Variants in CHD2 observed in about 807,000 individuals in gnomAD.
CHD2 encodes the protein ATP-dependent chromatin remodeler CHD2.
A neutral mutation model predicts 243.9 loss-of-function variants in CHD2; 28 were observed. The observed-to-expected ratio is 0.11, with a 90% CI of 0.09 to 0.16. CHD2 has a LOEUF of 0.16. CHD2 is among the 10% of genes least tolerant of loss of function. The probability of loss-of-function intolerance (pLI) is 1.00; values close to 1 mark genes in which losing one functional copy is unlikely to be tolerated. For missense variants in CHD2, 1,386 were observed against 2,209.8 expected, an observed-to-expected ratio of 0.63 and a Z score of 7.47; for synonymous variants, 775 against 779.0, an observed-to-expected ratio of 0.99 and a Z score of 0.09.
At chr15:92,969,853 C>G (rs2053817903) in intron 17 of CHD2, among the ~76,000 whole-genome samples, 2 of 150,734 alleles carry the variant, frequency 1.3e-5, no homozygotes, top group African/African-American at 4.9e-5. Flanking sequence ...ACTCTGTTAC[C>G]CAGGCTGGAG....
In CHD2 at chr15:92,904,947, C is replaced by T. The variant is rs1191320279; in HGVS notation, c.62+3648C>T. The T allele has an allele frequency of 3.9e-6, 6 of 1,535,826 alleles. No individual in the cohort carries two copies. In the South Asian group the frequency reaches 5.9e-5, roughly 15 times the overall value. Reference sequence around the variant, plus strand: ...AAGGGAAGATTATTTGAACTTGTCCCCATGCGTTTTTACTTGGTACCGTAC... The same window carrying T: ...AAGGGAAGATTATTTGAACTTGTCCTCATGCGTTTTTACTTGGTACCGTAC... On this transcript the variant is annotated intron_variant, in intron 2 of 38. Coordinates refer to ENST00000394196, the MANE Select transcript of CHD2 (RefSeq NM_001271.4).
Position 93,004,705 on chromosome 15 carries a change from T to C in CHD2, c.4367T>C (p.Ile1456Thr), listed in dbSNP as rs1448488921. The C allele has an allele frequency of 6.2e-7, 1 of 1,613,586 alleles. No individual in the cohort carries two copies. Among genetic ancestry groups the C allele is most frequent in the Non-Finnish European group, 8.5e-7 (1 of 1,179,736 alleles). The change falls in exon 34 of 39, where the codon ATT (isoleucine) becomes ACT (threonine). Residue 1456 changes from isoleucine (I) to threonine (T), a missense_variant. Physicochemically the swap from Ile to Thr is moderately conservative, Grantham distance 89. Around this residue, in one of 19 missense-constraint regions of CHD2, gnomAD observed 22 missense variants for 60.2 expected, o/e 0.37. Coordinates refer to ENST00000394196, the MANE Select transcript of CHD2 (RefSeq NM_001271.4). ...HITAGSEPVP[I>T]GEDEDDDLDQ... ...ACAGCAGGAAGTGAACCTGTCCCCA[T>C]TGGAGAGGATGAGGATGATGATCTG...
intron 35 of CHD2, among the ~76,000 whole-genome samples, chr15:93,009,734 C>G (rs1283813356): frequency 6.6e-6 from 1 of 152,188 alleles, no homozygotes; most frequent in Non-Finnish European, 1.5e-5. Flanking sequence ...CATGGTGACA[C>G]AAAGATTAAA....
chr15:92,937,089 C>G (rs1189869928), intron 5 of CHD2, among the ~76,000 whole-genome samples: 1 of 152,098 alleles, frequency 6.6e-6, no homozygotes, highest in Non-Finnish European at 1.5e-5. Flanking sequence ...TCTTGAGCTC[C>G]TGGACTCAAG....
intron 2 of CHD2, among the ~76,000 whole-genome samples, chr15:92,903,397 C>T (rs1016264517): frequency 6.6e-6 from 1 of 152,078 alleles, no homozygotes. Flanking sequence ...AAACTTTGGT[C>T]TGAGAATTAC....
rs557071198 is a variant in CHD2, at chr15:92,943,123, G to T, written c.1052+55G>T. 3.0e-4 allele frequency: 425 copies of T among 1,426,048 alleles called. 1 individual carries two copies. Among genetic ancestry groups the T allele is most frequent in the Non-Finnish European group, 3.7e-4 (385 of 1,027,922 alleles). The allele number at this position is 1,426,048 out of a possible 1,614,324, so 88.3% of individuals were successfully genotyped here. A position where few individuals can be genotyped will look rare whatever the true frequency, so the allele number is the denominator to read the frequency against. On this transcript the variant is annotated intron_variant, in intron 9 of 38. Coordinates refer to ENST00000394196, the MANE Select transcript of CHD2 (RefSeq NM_001271.4). Reference sequence around the variant, plus strand: ...GTATTTGCAGCCTGAAAGAAGGGAAGGTTTTAAAATAATGCATGGAGATCA... The same window carrying T: ...GTATTTGCAGCCTGAAAGAAGGGAATGTTTTAAAATAATGCATGGAGATCA...
Position 93,020,073 on chromosome 15 carries a change from A to T in CHD2, c.4968A>T (p.Pro1656=). ...ATGGTGGTGGCAACAACAATCCACCATGGGGAAGCGACAGGCACCATCAGT... is the reference window on the plus strand; with the variant it reads ...ATGGTGGTGGCAACAACAATCCACCTTGGGGAAGCGACAGGCACCATCAGT... ...FNYGGGNNNP[P]WGSDRHHQYE... Residue 1656 remains proline, a synonymous_variant, in exon 38 of 39, where the codon CCA becomes CCT. Transcript: ENST00000394196. 1.2e-6 allele frequency: 2 copies of T among 1,614,212 alleles called. No homozygotes were observed. The highest frequency in any genetic ancestry group is 8.5e-7 in the Non-Finnish European group (1 of 1,180,038).
In CHD2 at chr15:93,027,696, G is replaced by C. The variant is rs557096090; in HGVS notation, c.*2991G>C. ...CCAGGCCCAGCACCAGCGGTCTTCCGGCTCCTCTGAGGGCTGCCACGTTGG... is the reference window on the plus strand; with the variant it reads ...CCAGGCCCAGCACCAGCGGTCTTCCCGCTCCTCTGAGGGCTGCCACGTTGG... On this transcript the variant is annotated 3_prime_UTR_variant, in exon 39 of 39. Transcript: ENST00000394196. 1 of 152,696 alleles carries C rather than the reference G, an allele frequency of 6.5e-6. No individual in the cohort carries two copies. The highest frequency in any genetic ancestry group is 1.5e-5 in the Non-Finnish European group (1 of 68,100). 9.5% of individuals were successfully genotyped at this position (152,696 alleles called of 1,614,324 possible).
At chr15:92,936,211 C>A (rs6497009) in intron 5 of CHD2, among the ~76,000 whole-genome samples, 1 of 152,122 alleles carries the variant, frequency 6.6e-6, no homozygotes, top group South Asian at 2.1e-4. Context: ...TCAATCTGCA[C>A]ATCAGCCACC....
At chr15:92,934,327 T>C (rs2053227103) in intron 5 of CHD2, among the ~76,000 whole-genome samples, 1 of 152,260 alleles carries the variant, frequency 6.6e-6, no homozygotes. Context: ...TCTATTTACA[T>C]TGCCTTGGGG....
At position 92,937,613 on chromosome 15, in the gene CHD2, C is replaced by G. The variant is rs956707306; in HGVS notation, c.539C>G (p.Pro180Arg). Residue 180 changes from proline to arginine, a missense_variant, in exon 6 of 39, where the codon CCT (proline) becomes CGT (arginine). By Grantham distance (103) the Pro-to-Arg change is moderately radical. Transcript: ENST00000394196. ...PEQKKVKARR[P>R]VPRRTVPKPR... ...CAAAAAAAAGTAAAAGCCAGAAGACCTGTCCCCAGAAGGTGCACTGTTTGC... is the reference window on the plus strand; with the variant it reads ...CAAAAAAAAGTAAAAGCCAGAAGACGTGTCCCCAGAAGGTGCACTGTTTGC... 4.3e-6 allele frequency: 7 copies of G among 1,612,816 alleles called. No individual in the cohort carries two copies. Among genetic ancestry groups the G allele is most frequent in the Non-Finnish European group, 5.9e-6 (7 of 1,179,238 alleles).
chr15:92,931,988 G>A (rs1273353564), intron 5 of CHD2, among the ~76,000 whole-genome samples: 5 of 150,808 alleles, frequency 3.3e-5, no homozygotes. Flanking sequence ...TTAGCCTCCC[G>A]AGTAGCTGGG....
intron 17 of CHD2, 77 bp downstream of exon 17, chr15:92,967,590 A>G (rs976728065): frequency 9.4e-6 from 9 of 957,532 alleles, no homozygotes; most frequent in Non-Finnish European, 1.0e-5. Context: ...ATATATATAT[A>G]TACTTTTGTT....
At chr15:93,019,371 A>G (rs1410466344) in intron 37 of CHD2, among the ~76,000 whole-genome samples, 1 of 152,204 alleles carries the variant, frequency 6.6e-6, no homozygotes, top group African/African-American at 2.4e-5. Context: ...AAGGTTAAAC[A>G]GGTATGGAGA....
At chr15:92,976,155 T>C (rs1211013335) in intron 20 of CHD2, among the ~76,000 whole-genome samples, 4 of 152,112 alleles carry the variant, frequency 2.6e-5, no homozygotes, top group Admixed American at 2.0e-4. Context: ...TAAAAAATAG[T>C]ATGAGTCGAA....
At chr15:92,963,691 A>G (rs904893021) in intron 16 of CHD2, among the ~76,000 whole-genome samples, 1 of 152,208 alleles carries the variant, frequency 6.6e-6, no homozygotes, top group African/African-American at 2.4e-5. Flanking sequence ...ATGCTGGCTT[A>G]GATGATTAAA....
intron 26 of CHD2, among the ~76,000 whole-genome samples, chr15:92,988,812 C>T (rs1035808171): frequency 6.6e-6 from 1 of 151,784 alleles, no homozygotes; most frequent in East Asian, 1.9e-4. Context: ...CTATTTCACT[C>T]TTTAAAAAAT....
Position 93,014,838 on chromosome 15 carries a change from A to G in CHD2, c.4835A>G (p.His1612Arg). 6.2e-7 allele frequency: 1 copy of G among 1,614,144 alleles called. No individual in the cohort carries two copies. Among genetic ancestry groups the G allele is most frequent in the Non-Finnish European group, 8.5e-7 (1 of 1,180,018 alleles). The change falls in exon 37 of 39, where the codon CAT (histidine) becomes CGT (arginine). Residue 1612 changes from histidine to arginine, a missense_variant. Transcript: ENST00000394196. ...HPQKPHLPAS[H>R]GPQMHGHPRD... ...CAGAAGCCTCATTTGCCTGCCTCCC[A>G]TGGCCCACAGATGCATGGACACCCA...
At chr15:92,913,265 G>T (rs2052774199) in intron 2 of CHD2, among the ~76,000 whole-genome samples, 1 of 152,198 alleles carries the variant, frequency 6.6e-6, no homozygotes, top group South Asian at 2.1e-4. Context: ...TTTAGCTGTA[G>T]AATCTTGGGC....
Sources: allele counts gnomAD v4.1 joint callset (sites outside exome capture counted in the v4.1 genomes callset), GRCh38; gene constraint gnomAD v4.1.1; regional missense constraint gnomAD v4.1.1; transcripts MANE v1.5; gene names NCBI Gene and HGNC (gene_info 2026-07-23, HGNC 2026-07-21).